Variants in SASH1 observed in about 807,000 individuals in gnomAD.
SASH1 encodes the protein SAM and SH3 domain containing 1.
SASH1 carries 44 observed loss-of-function variants against 125.2 expected under a neutral mutation model. The ratio of observed to expected loss-of-function variants is 0.35; its 90% CI spans 0.28 to 0.45. The LOEUF is 0.45. Ranked by LOEUF, SASH1 falls within the 20% of genes least tolerant of loss-of-function variation. The probability of loss-of-function intolerance (pLI) is 1.00; values close to 1 mark genes in which losing one functional copy is unlikely to be tolerated. For missense variants in SASH1, 1,426 were observed against 1,614.5 expected (o/e 0.88, Z 2.00); for synonymous variants, 639 against 649.1 (o/e 0.98, Z 0.24).
intron 8 of SASH1, chr6:148,513,213 TG>T (rs1780249276): frequency 1.0e-6 from 1 of 985,312 alleles, no homozygotes; most frequent in African/African-American, 1.7e-5. Context: ...AGATGAGGCT[TG>T]TTTTTGTTTT....
rs959075644 is a variant in SASH1 at position 148,548,742 on chromosome 6, G to A, written c.*184G>A. 23 of 581,122 alleles carry A rather than the reference G, an allele frequency of 4.0e-5. No homozygotes were observed. The highest frequency in any genetic ancestry group is 3.6e-4 in the Admixed American group (10 of 27,762). 36.0% of individuals were successfully genotyped at this position (581,122 alleles called of 1,614,324 possible). A position where few individuals can be genotyped will look rare whatever the true frequency, so the allele number is the denominator to read the frequency against. On this transcript the variant is annotated 3_prime_UTR_variant, in exon 20 of 20. Transcript: ENST00000367467. The stretch of plus-strand genomic sequence containing the variant: ...TCCTCTCCTCCAGAAAAGCCCCCTC[G>A]AGGAAATAAATTAGTGCGGTTCTCT...
At chr6:148,469,406 A>G (rs1173077911) in intron 5 of SASH1, among the ~76,000 whole-genome samples, 1 of 152,224 alleles carries the variant, frequency 6.6e-6, no homozygotes, top group East Asian at 1.9e-4. Flanking sequence ...TGAAAATGGG[A>G]GAAGGGAGAA....
the SASH1 span, among the ~76,000 whole-genome samples, chr6:148,224,775 AT>A: frequency 6.6e-6 from 1 of 152,290 alleles, no homozygotes; most frequent in South Asian, 2.1e-4. Flanking sequence ...GTATAGTTTT[AT>A]TTTTTATAAA....
intron 1 of SASH1, among the ~76,000 whole-genome samples, chr6:148,386,359 G>A (rs1476614264): frequency 6.6e-6 from 1 of 152,106 alleles, no homozygotes; most frequent in African/African-American, 2.4e-5. Context: ...TTTTTTCCCA[G>A]TGGTCTTGGT....
chr6:148,524,836 G>A (rs1424096038), intron 10 of SASH1: 1 of 153,752 alleles, frequency 6.5e-6, no homozygotes, highest in Admixed American at 6.5e-5. Context: ...GCTTGCTGTT[G>A]GTGTCAGAGC....
chr6:148,233,450 C>T, the SASH1 span, among the ~76,000 whole-genome samples: 17 of 151,986 alleles, frequency 1.1e-4, no homozygotes, highest in East Asian at 2.1e-3. Context: ...TTCTTTCATA[C>T]GTTCATATCG....
chr6:148,199,584 G>T, the SASH1 span, among the ~76,000 whole-genome samples: 1 of 151,982 alleles, frequency 6.6e-6, no homozygotes, highest in Non-Finnish European at 1.5e-5. Flanking sequence ...TGTAATTCCA[G>T]CTATTCGGCA....
At chr6:148,408,256 C>A (rs1330264772) in intron 2 of SASH1, among the ~76,000 whole-genome samples, 1 of 150,796 alleles carries the variant, frequency 6.6e-6, no homozygotes, top group Non-Finnish European at 1.5e-5. Flanking sequence ...TACAGGTGCC[C>A]GCCACCACGC....
At chr6:148,314,398 TC>T (rs1339236823) in intron 1 of SASH1, among the ~76,000 whole-genome samples, 12 of 152,222 alleles carry the variant, frequency 7.9e-5, no homozygotes, top group Non-Finnish European at 1.8e-4. Context: ...CAGGTTCCCT[TC>T]AATCATTCAG....
chr6:148,450,672 A>C (rs1454298393), intron 4 of SASH1, among the ~76,000 whole-genome samples: 1 of 144,496 alleles, frequency 6.9e-6, no homozygotes, highest in East Asian at 2.1e-4. Flanking sequence ...TACTGTGTGA[A>C]TCTCTTATTA....
chr6:148,242,820 C>G, the SASH1 span, among the ~76,000 whole-genome samples: 1 of 152,150 alleles, frequency 6.6e-6, no homozygotes, highest in Non-Finnish European at 1.5e-5. Flanking sequence ...TCTCTATGAA[C>G]TAGCCCAAGC....
chr6:148,392,422 G>A (rs1199418398), intron 2 of SASH1, among the ~76,000 whole-genome samples: 1 of 151,908 alleles, frequency 6.6e-6, no homozygotes, highest in Non-Finnish European at 1.5e-5. Context: ...TTAGAACTAA[G>A]TAGGAACAGA....
chr6:148,505,994 C>T (rs910817360), intron 8 of SASH1, among the ~76,000 whole-genome samples: 4 of 151,528 alleles, frequency 2.6e-5, no homozygotes, highest in Non-Finnish European at 5.9e-5. Context: ...TGGTCTCGAT[C>T]TCCTGAGCTC....
chr6:148,374,009 A>G (rs1782795919), intron 1 of SASH1, among the ~76,000 whole-genome samples: 1 of 152,182 alleles, frequency 6.6e-6, no homozygotes, highest in East Asian at 1.9e-4. Flanking sequence ...ACAACAAAAA[A>G]CAGTTGAACT....
upstream of SASH1, among the ~76,000 whole-genome samples, chr6:148,271,431 T>C (rs1420926198): frequency 1.3e-5 from 2 of 152,234 alleles, no homozygotes; most frequent in African/African-American, 4.8e-5. Context: ...AATGTGACTA[T>C]CTTCTGACTA....
chr6:148,403,437 C>G (rs1429147049), intron 2 of SASH1, among the ~76,000 whole-genome samples: 2 of 147,786 alleles, frequency 1.4e-5, no homozygotes, highest in Non-Finnish European at 1.5e-5. Context: ...TTACAACATA[C>G]ATTCATTGTA....
intron 8 of SASH1, among the ~76,000 whole-genome samples, chr6:148,491,288 GAGACGGAGTCTCACT>G (rs1779096080): frequency 6.6e-6 from 1 of 152,052 alleles, no homozygotes; most frequent in Admixed American, 6.6e-5. Flanking sequence ...TGTTGTTGTT[GAGACGGAGTCTCACT>G]CCGTCGCTCA....
chr6:148,280,022 C>G (rs1172854023), intron 1 of SASH1, among the ~76,000 whole-genome samples: 3 of 119,598 alleles, frequency 2.5e-5, no homozygotes, highest in African/African-American at 6.2e-5. Flanking sequence ...AACACTCCCC[C>G]CTCCGACATT....
At chr6:148,287,378 G>A (rs577536483) in intron 1 of SASH1, among the ~76,000 whole-genome samples, 12 of 152,064 alleles carry the variant, frequency 7.9e-5, no homozygotes, top group African/African-American at 2.7e-4. Context: ...CTTCAGTCTT[G>A]GTGTCCAGTG....
Sources: gnomAD v4.1 joint callset for allele counts (sites outside exome capture counted in the v4.1 genomes callset) on GRCh38, gnomAD v4.1.1 for gene constraint, MANE v1.5 for transcripts, NCBI Gene and HGNC (gene_info 2026-07-23, HGNC 2026-07-21) for gene names.